CDH13: variants seen among roughly 807,000 people sequenced by gnomAD.
The protein encoded by CDH13 is cadherin 13, also known as cadherin-13.
In CDH13, 24 loss-of-function variants were observed where a neutral mutation model predicts 63.8. The observed-to-expected ratio is 0.38, with a 90% CI of 0.27 to 0.53. The LOEUF (loss-of-function observed/expected upper bound fraction) is 0.53. CDH13 is among the 20% of genes least tolerant of loss of function. CDH13 has a pLI of 0.85. For missense variants in CDH13, 1,049 were observed against 903.1 expected (o/e 1.16, Z -2.07); for synonymous variants, 503 against 355.3 (o/e 1.42, Z -4.67).
chr16:83,411,080 C>G (rs534557016), intron 6 of CDH13, among the ~76,000 whole-genome samples: 1 of 152,340 alleles, frequency 6.6e-6, no homozygotes, highest in African/African-American at 2.4e-5. Context: ...GTGGTCCACA[C>G]TCCAGCCCTC....
intron 8 of CDH13, among the ~76,000 whole-genome samples, chr16:83,604,326 A>G (rs180845683): frequency 2.0e-4 from 31 of 152,268 alleles, no homozygotes; most frequent in African/African-American, 7.0e-4. Context: ...CACTCTTGCC[A>G]TGGTTCCAAA....
At chr16:82,900,826 C>T (rs1263354202) in intron 2 of CDH13, among the ~76,000 whole-genome samples, 1 of 152,146 alleles carries the variant, frequency 6.6e-6, no homozygotes, top group African/African-American at 2.4e-5. Context: ...TGGGTAAATG[C>T]CAAGAAATTC....
At chr16:83,619,693 A>C (rs1373755724) in intron 8 of CDH13, among the ~76,000 whole-genome samples, 1 of 152,148 alleles carries the variant, frequency 6.6e-6, no homozygotes, top group African/African-American at 2.4e-5. Context: ...CTGTGTCCAC[A>C]TTTCCTCTTT....
At chr16:83,413,634 G>C (rs11859173) in intron 6 of CDH13, among the ~76,000 whole-genome samples, 1 of 152,206 alleles carries the variant, frequency 6.6e-6, no homozygotes, top group African/African-American at 2.4e-5. Flanking sequence ...GCCCATAATA[G>C]GCTGTGCCAA....
chr16:83,334,277 C>T (rs1161608498), intron 5 of CDH13, among the ~76,000 whole-genome samples: 1 of 150,746 alleles, frequency 6.6e-6, no homozygotes, highest in Non-Finnish European at 1.5e-5. Context: ...TCTCTTTCTT[C>T]CTCCTTTCTC....
intron 1 of CDH13, among the ~76,000 whole-genome samples, chr16:82,628,814 G>A (rs1364350705): frequency 1.3e-5 from 2 of 152,194 alleles, no homozygotes; most frequent in South Asian, 2.1e-4. Flanking sequence ...CAGACAGAAA[G>A]GATTCAGACA....
At chr16:82,835,781 A>G (rs2038742376) in intron 1 of CDH13, among the ~76,000 whole-genome samples, 1 of 152,176 alleles carries the variant, frequency 6.6e-6, no homozygotes, top group Non-Finnish European at 1.5e-5. Flanking sequence ...ATCAATCCAT[A>G]TGCATGTTTG....
chr16:83,722,077 G>A (rs985371996), intron 10 of CDH13, among the ~76,000 whole-genome samples: 2 of 152,134 alleles, frequency 1.3e-5, no homozygotes, highest in African/African-American at 2.4e-5. Flanking sequence ...TAGGAAGCAA[G>A]CTACTCATTC....
chr16:82,939,615 A>T (rs2042772575), intron 2 of CDH13, among the ~76,000 whole-genome samples: 1 of 151,778 alleles, frequency 6.6e-6, no homozygotes, highest in African/African-American at 2.4e-5. Context: ...AAGCAAATGT[A>T]AAAATTGAAT....
chr16:83,266,484 C>G (rs145936556), intron 5 of CDH13, among the ~76,000 whole-genome samples: 66 of 152,266 alleles, frequency 4.3e-4, no homozygotes, highest in African/African-American at 1.5e-3. Context: ...ACATCTGTGT[C>G]CAAGTCAGTG....
chr16:83,650,901 T>G (rs1422629276), intron 8 of CDH13, among the ~76,000 whole-genome samples: 1 of 151,790 alleles, frequency 6.6e-6, no homozygotes, highest in Admixed American at 6.6e-5. Context: ...AGTGAGACCC[T>G]GTCTCTATAA....
At chr16:83,693,497 G>T (rs906106809) in intron 10 of CDH13, among the ~76,000 whole-genome samples, 1 of 152,122 alleles carries the variant, frequency 6.6e-6, no homozygotes, top group Non-Finnish European at 1.5e-5. Context: ...GCCAGCCCCG[G>T]GTACCTCACT....
chr16:83,660,863 G>C (rs16961197), intron 8 of CDH13, among the ~76,000 whole-genome samples: 15,281 of 152,042 alleles, frequency 0.1, 867 homozygotes, highest in East Asian at 0.21. Context: ...TTTTTAAAGA[G>C]AGAAACTCAA....
At chr16:83,080,267 G>A (rs865981760) in intron 3 of CDH13, among the ~76,000 whole-genome samples, 1 of 152,194 alleles carries the variant, frequency 6.6e-6, no homozygotes, top group Non-Finnish European at 1.5e-5. Context: ...ATGACAGCCA[G>A]CTGTTTGGTC....
At chr16:82,763,393 C>G (rs527394260) in intron 1 of CDH13, among the ~76,000 whole-genome samples, 8 of 152,272 alleles carry the variant, frequency 5.3e-5, no homozygotes, top group African/African-American at 1.9e-4. Context: ...TGAATACAGG[C>G]TCTCTGCTTG....
chr16:83,338,210 A>G (rs1310639133), intron 5 of CDH13, among the ~76,000 whole-genome samples: 2 of 151,520 alleles, frequency 1.3e-5, no homozygotes, highest in Admixed American at 1.3e-4. Context: ...AAAACAAGTA[A>G]TCAGTTTAAT....
rs1056584883 is a variant in CDH13, at chr16:82,644,374, C to T, written c.45+17237C>T. 1.2e-4 allele frequency among the ~76,000 whole-genome samples: 18 copies of T among 152,252 alleles called. No homozygotes were observed. The highest frequency in any genetic ancestry group is 2.9e-4 in the African/African-American group (12 of 41,536). On this transcript the variant is annotated intron_variant, in intron 1 of 13. Transcript: ENST00000567109. This position sits in a 1 kb window ranked among gnomAD's most constrained non-coding sequence, Gnocchi z 5.7. The stretch of plus-strand genomic sequence containing the variant: ...CTCTGTGCTCTCCATCACCCCCCTA[C>T]GGAGTTCCTTTGATTCTCAGGTCCC...
intron 6 of CDH13, among the ~76,000 whole-genome samples, chr16:83,389,708 C>G (rs941342113): frequency 1.3e-5 from 2 of 152,126 alleles, no homozygotes; most frequent in South Asian, 2.1e-4. Context: ...ATGCATTTTC[C>G]AAGACTCCCC....
chr16:83,706,535 C>G (rs1247444642), intron 10 of CDH13, among the ~76,000 whole-genome samples: 7 of 152,180 alleles, frequency 4.6e-5, no homozygotes, highest in African/African-American at 1.7e-4. Flanking sequence ...TGCTCATTAG[C>G]TCTGTGGCAT....
Sources: gnomAD v4.1 joint callset for allele counts (sites outside exome capture counted in the v4.1 genomes callset) on GRCh38, gnomAD v4.1.1 for gene constraint, Gnocchi (gnomAD v3.1) non-coding constraint, MANE v1.5 for transcripts, NCBI Gene and HGNC (gene_info 2026-07-23, HGNC 2026-07-21) for gene names.